Variants in CCDC50 observed in about 807,000 individuals in gnomAD.
CCDC50 encodes the protein coiled-coil domain containing 50.
In CCDC50, 54 loss-of-function variants were observed where a neutral mutation model predicts 70.2. That is an observed-to-expected ratio of 0.77 (90% CI 0.62 to 0.96). The LOEUF (loss-of-function observed/expected upper bound fraction) is 0.96. Among genes scored for constraint, CCDC50 ranks in the 50% least tolerant of loss-of-function variants. The probability of loss-of-function intolerance (pLI) is 0.00; values close to 1 mark genes in which losing one functional copy is unlikely to be tolerated. For synonymous variants in CCDC50, 216 were observed against 198.8 expected (o/e 1.09, Z -0.73); for missense variants, 558 against 578.7 (o/e 0.96, Z 0.37).
At chr3:191,374,820 C>T (rs925231932) in intron 5 of CCDC50, among the ~76,000 whole-genome samples, 2 of 152,278 alleles carry the variant, frequency 1.3e-5, no homozygotes, top group Non-Finnish European at 1.5e-5. Context: ...TCAAGCTCTT[C>T]TTTCACATTT....
chr3:191,386,778 A>G (rs1319425337), intron 10 of CCDC50, among the ~76,000 whole-genome samples: 2 of 152,200 alleles, frequency 1.3e-5, no homozygotes, highest in African/African-American at 2.4e-5. Context: ...CAAGGAGGTG[A>G]AAGATCTCTA....
chr3:191,343,169 T>C (rs1475367179), intron 1 of CCDC50, among the ~76,000 whole-genome samples: 1 of 152,218 alleles, frequency 6.6e-6, no homozygotes, highest in Admixed American at 6.5e-5. Flanking sequence ...TTGGTATCTG[T>C]GGGGGTGCTG....
At chr3:191,332,404 A>C (rs1718021277) in intron 1 of CCDC50, among the ~76,000 whole-genome samples, 1 of 152,228 alleles carries the variant, frequency 6.6e-6, no homozygotes, top group African/African-American at 2.4e-5. Context: ...AATCAAGTCA[A>C]CTAAGTGTCA....
intron 5 of CCDC50, among the ~76,000 whole-genome samples, chr3:191,374,213 T>C (rs953614928): frequency 2.0e-5 from 3 of 152,192 alleles, no homozygotes; most frequent in African/African-American, 7.2e-5. Flanking sequence ...AAAAGAATTA[T>C]TTTTGTGCTG....
intron 5 of CCDC50, chr3:191,370,262 G>A (rs1037162355): frequency 2.7e-5 from 11 of 405,976 alleles, no homozygotes; most frequent in Middle Eastern, 8.0e-4. Flanking sequence ...TGTGCACAAC[G>A]TGCAGGTTTG....
At position 191,393,121 on chromosome 3, in the gene CCDC50, A is replaced by G. The variant is rs1176853322; in HGVS notation, c.*1361A>G. ...GTACAAGACCTTTAAGCACCTCTTCAAGAAATTTAGTCTTTGTGTAGCTGC... is the reference window on the plus strand; with the variant it reads ...GTACAAGACCTTTAAGCACCTCTTCGAGAAATTTAGTCTTTGTGTAGCTGC... On this transcript the variant is annotated 3_prime_UTR_variant, in exon 12 of 12. Coordinates refer to ENST00000392455, the MANE Select transcript of CCDC50 (RefSeq NM_178335.3). 1.3e-5 allele frequency: 2 copies of G among 152,158 alleles called. No homozygotes were observed. The highest frequency in any genetic ancestry group is 2.9e-5 in the Non-Finnish European group (2 of 68,034). 9.4% of individuals were successfully genotyped at this position (152,158 alleles called of 1,614,324 possible). A position where few individuals can be genotyped will look rare whatever the true frequency, so the allele number is the denominator to read the frequency against.
chr3:191,360,839 A>G (rs1712462004), intron 3 of CCDC50, among the ~76,000 whole-genome samples: 1 of 152,138 alleles, frequency 6.6e-6, no homozygotes, highest in African/African-American at 2.4e-5. Context: ...TTCCAGTTCT[A>G]CCACATATTT....
intron 1 of CCDC50, among the ~76,000 whole-genome samples, chr3:191,336,948 A>G (rs1189300647): frequency 6.6e-6 from 1 of 152,238 alleles, no homozygotes; most frequent in Non-Finnish European, 1.5e-5. Context: ...TGGCTTTTAC[A>G]GTGTTTAATG....
At chr3:191,362,809 G>A (rs1198836184) in intron 4 of CCDC50, among the ~76,000 whole-genome samples, 1 of 152,152 alleles carries the variant, frequency 6.6e-6, no homozygotes, top group Non-Finnish European at 1.5e-5. Flanking sequence ...AGAGTATTGA[G>A]TTGTTTCTTC....
intron 11 of CCDC50, among the ~76,000 whole-genome samples, chr3:191,390,062 C>T (rs555028787): frequency 1.3e-5 from 2 of 151,804 alleles, no homozygotes; most frequent in African/African-American, 4.8e-5. Flanking sequence ...GAGGTTTTAC[C>T]ATGTCACCCC....
chr3:191,347,479 T>C (rs57369465), intron 1 of CCDC50, among the ~76,000 whole-genome samples: 10,272 of 141,802 alleles, frequency 0.072, 1,963 homozygotes, highest in East Asian at 0.24. Flanking sequence ...ATTGTTTAGC[T>C]GAACAAATAC....
chr3:191,361,403 G>A (rs112734145), intron 4 of CCDC50, among the ~76,000 whole-genome samples: 5 of 152,182 alleles, frequency 3.3e-5, no homozygotes, highest in South Asian at 2.1e-4. Context: ...TATGACTGCC[G>A]TTACAAATTA....
intron 1 of CCDC50, among the ~76,000 whole-genome samples, chr3:191,338,352 CT>C (rs1462418168): frequency 2.0e-5 from 3 of 152,118 alleles, no homozygotes; most frequent in South Asian, 2.1e-4. Context: ...GTGAAAGACT[CT>C]TTTTGTCTAG....
At position 191,342,885 on chromosome 3, in the gene CCDC50, A is replaced by G. The variant is rs530455633; in HGVS notation, c.49+13162A>G. Among the ~76,000 whole-genome samples, 245 of 152,362 alleles carry G rather than the reference A, an allele frequency of 1.6e-3. 1 individual carries two copies. The highest frequency in any genetic ancestry group is 2.0e-3 in the Non-Finnish European group (136 of 68,038). ...ACCCTGTTGAGGATGCCTTATGACTATCAGTGGCCTGTTTTTTTCGTAGAA... is the reference window on the plus strand; with the variant it reads ...ACCCTGTTGAGGATGCCTTATGACTGTCAGTGGCCTGTTTTTTTCGTAGAA... On this transcript the variant is annotated intron_variant, in intron 1 of 11. Coordinates refer to ENST00000392455, the MANE Select transcript of CCDC50 (RefSeq NM_178335.3).
At chr3:191,337,931 A>G (rs2108632143) in intron 1 of CCDC50, among the ~76,000 whole-genome samples, 1 of 152,262 alleles carries the variant, frequency 6.6e-6, no homozygotes, top group South Asian at 2.1e-4. Context: ...TATCAGAGGT[A>G]CCTAGGCTAA....
chr3:191,342,835 T>G (rs1164320783), intron 1 of CCDC50, among the ~76,000 whole-genome samples: 1 of 152,240 alleles, frequency 6.6e-6, no homozygotes, highest in Non-Finnish European at 1.5e-5. Context: ...AAAAATTGTC[T>G]ACTACTGCTT....
At chr3:191,342,026 T>A (rs939462589) in intron 1 of CCDC50, among the ~76,000 whole-genome samples, 7 of 152,236 alleles carry the variant, frequency 4.6e-5, no homozygotes, top group Admixed American at 4.6e-4. Context: ...TCTAGGAATG[T>A]ACCCATGATC....
intron 5 of CCDC50, among the ~76,000 whole-genome samples, chr3:191,373,095 G>A (rs201002434): frequency 6.5e-5 from 9 of 138,156 alleles, no homozygotes; most frequent in South Asian, 2.2e-4. Flanking sequence ...GTGTGTGTGT[G>A]TATATATATA....
intron 10 of CCDC50, among the ~76,000 whole-genome samples, chr3:191,384,138 A>C (rs429374): frequency 0.42 from 64,068 of 151,862 alleles, 15,191 homozygotes; most frequent in Non-Finnish European, 0.53. Context: ...AATATTTGGC[A>C]TACTGAAAGA....
Sources: allele counts gnomAD v4.1 joint callset (sites outside exome capture counted in the v4.1 genomes callset), GRCh38; gene constraint gnomAD v4.1.1; transcripts MANE v1.5; gene names NCBI Gene and HGNC (gene_info 2026-07-23, HGNC 2026-07-21).